The following CCDC57 variants were observed in gnomAD, a reference collection of about 807,000 sequenced individuals.
CCDC57 encodes the protein coiled-coil domain-containing protein 57.
CCDC57 carries 118 observed loss-of-function variants against 118.9 expected under a neutral mutation model. That is an observed-to-expected ratio of 0.99 (90% CI 0.86 to 1.16). The LOEUF (loss-of-function observed/expected upper bound fraction) is 1.16. Ranked by LOEUF, CCDC57 falls within the 50% of genes most tolerant of loss-of-function variation. CCDC57 has a pLI of 0.00. For missense variants in CCDC57, 1,300 were observed against 1,320.7 expected (o/e 0.98, Z 0.24); for synonymous variants, 527 against 532.9 (o/e 0.99, Z 0.15).
intron 11 of CCDC57, among the ~76,000 whole-genome samples, chr17:82,174,093 C>G (rs749837190): frequency 3.9e-5 from 6 of 152,230 alleles, no homozygotes; most frequent in Admixed American, 3.9e-4. Flanking sequence ...AAGATGTGTG[C>G]AAAAGGCACA....
chr17:82,146,800 C>T (rs1020563567), intron 16 of CCDC57, among the ~76,000 whole-genome samples: 1 of 152,128 alleles, frequency 6.6e-6, no homozygotes, highest in African/African-American at 2.4e-5. Context: ...CACAGTCTCA[C>T]ACACAAACGT....
chr17:82,204,157 C>T (rs895728883), intron 2 of CCDC57, among the ~76,000 whole-genome samples: 5 of 152,142 alleles, frequency 3.3e-5, no homozygotes, highest in Non-Finnish European at 5.9e-5. Flanking sequence ...CCACATGCTT[C>T]CTGCGATGCA....
chr17:82,186,819 G>A (rs1311052008), intron 8 of CCDC57, among the ~76,000 whole-genome samples: 2 of 152,114 alleles, frequency 1.3e-5, no homozygotes, highest in Non-Finnish European at 2.9e-5. Flanking sequence ...GTGCACACCT[G>A]TGGTTCCAGC....
intron 9 of CCDC57, among the ~76,000 whole-genome samples, chr17:82,183,392 C>A (rs917873872): frequency 1.3e-5 from 2 of 152,010 alleles, no homozygotes; most frequent in African/African-American, 4.8e-5. Context: ...ACTATGTTAA[C>A]CAGGCTGGTC....
chr17:82,114,261 G>A (rs56806171), intron 19 of CCDC57, among the ~76,000 whole-genome samples: 2,863 of 152,210 alleles, frequency 0.019, 96 homozygotes, highest in African/African-American at 0.065. Flanking sequence ...CGAAATGAAC[G>A]AAAGCCCTGG....
intron 16 of CCDC57, among the ~76,000 whole-genome samples, chr17:82,146,981 C>T (rs1024744529): frequency 6.6e-6 from 1 of 152,274 alleles, no homozygotes; most frequent in Non-Finnish European, 1.5e-5. Context: ...AGCCACCACA[C>T]ACAGCCGAGG....
At chr17:82,184,023 GCGCGCGCGCACACACA>G (rs1193065180) in intron 8 of CCDC57, 91 bp from the exon 8 acceptor site, 84 of 383,982 alleles carry the variant, frequency 2.2e-4, no homozygotes, top group African/African-American at 1.7e-3. Flanking sequence ...ACATGCGCGC[GCGCGCGCGCACACACA>G]CACACACACA....
intron 19 of CCDC57, among the ~76,000 whole-genome samples, chr17:82,115,317 C>T (rs969823637): frequency 4.0e-5 from 6 of 151,326 alleles, no homozygotes; most frequent in South Asian, 2.1e-4. Context: ...CAAGAGGGGG[C>T]GGCTTTTGTC....
At chr17:82,191,812 G>A (rs544415837) in intron 7 of CCDC57, among the ~76,000 whole-genome samples, 7 of 152,082 alleles carry the variant, frequency 4.6e-5, no homozygotes, top group Admixed American at 1.3e-4. Context: ...GACTACAGGC[G>A]TGAGCTGTCA....
At chr17:82,180,484 G>T (rs539006942) in intron 9 of CCDC57, among the ~76,000 whole-genome samples, 1 of 152,146 alleles carries the variant, frequency 6.6e-6, no homozygotes, top group South Asian at 2.1e-4. Flanking sequence ...TTATTTTTAG[G>T]TTTTTTTTGG....
At chr17:82,143,176 G>A (rs2040250970) in intron 16 of CCDC57, among the ~76,000 whole-genome samples, 1 of 151,496 alleles carries the variant, frequency 6.6e-6, no homozygotes, top group Admixed American at 6.6e-5. Flanking sequence ...CACAATGGCA[G>A]GCTATAGAGA....
exon 10 of CCDC57, chr17:82,179,109 T>C (rs1410925841): frequency 6.2e-7 from 1 of 1,613,956 alleles, no homozygotes; most frequent in Admixed American, 1.7e-5. Context: ...ACAGCGGCGC[T>C]GCCAGTCCAG....
intron 7 of CCDC57, among the ~76,000 whole-genome samples, chr17:82,191,951 G>C (rs2047714379): frequency 1.3e-5 from 2 of 151,372 alleles, no homozygotes; most frequent in South Asian, 4.2e-4. Flanking sequence ...TATAGGTGTA[G>C]GCCACCATGC....
chr17:82,171,618 T>A, intron 13 of CCDC57, 83 bp downstream of exon 12: 1 of 1,456,306 alleles, frequency 6.9e-7, no homozygotes. Context: ...TTGAGCTGTA[T>A]ATTTGCTATG....
intron 19 of CCDC57, among the ~76,000 whole-genome samples, chr17:82,116,598 G>A (rs1028909967): frequency 6.6e-6 from 1 of 152,156 alleles, no homozygotes; most frequent in Non-Finnish European, 1.5e-5. Context: ...AGAACTCCAG[G>A]GTGCAGAACA....
chr17:82,210,673 C>T (rs1245176246), intron 1 of CCDC57, among the ~76,000 whole-genome samples: 1 of 143,766 alleles, frequency 7.0e-6, no homozygotes, highest in Non-Finnish European at 1.5e-5. Flanking sequence ...GAGAGAGAGA[C>T]TCAGTCTCAA....
At position 82,146,530 on chromosome 17, in the gene CCDC57, A is replaced by G. The variant is rs1027039261; in HGVS notation, c.2455+5030T>C. On this transcript the variant is annotated intron_variant, in intron 16 of 19. Transcript: ENST00000665763. ...AAGTAGCTGGAACTTCAGACACACAACACCATGCCCAGCTAAGAACTCAAT... is the reference window on the plus strand; with the variant it reads ...AAGTAGCTGGAACTTCAGACACACAGCACCATGCCCAGCTAAGAACTCAAT... Among the ~76,000 whole-genome samples the G allele has an allele frequency of 3.9e-5, 6 of 152,110 alleles. No individual in the cohort carries two copies. In the East Asian group the frequency reaches 7.7e-4, roughly 20 times the overall value.
rs150205238 is a variant in CCDC57, at chr17:82,182,468, C to G, written c.1211+1306G>C. 3.3e-3 allele frequency among the ~76,000 whole-genome samples: 504 copies of G among 151,840 alleles called. 3 individuals carry two copies. Among genetic ancestry groups the G allele is most frequent in the African/African-American group, 0.012 (484 of 41,414 alleles). ...TCCTGGGTTCAAGTGATTCTCCTGC[C>G]TCAGCCCCCCGAGTAGCTGGGATTA... On this transcript the variant is annotated intron_variant, in intron 9 of 19. Coordinates refer to ENST00000665763, the Ensembl canonical transcript of CCDC57.
At chr17:82,186,216 T>G (rs2046904007) in intron 8 of CCDC57, among the ~76,000 whole-genome samples, 1 of 152,220 alleles carries the variant, frequency 6.6e-6, no homozygotes, top group Non-Finnish European at 1.5e-5. Flanking sequence ...CTTTAGAATG[T>G]AGAAGTCTGT....
Sources: gnomAD v4.1 joint callset for allele counts (sites outside exome capture counted in the v4.1 genomes callset) on GRCh38, gnomAD v4.1.1 for gene constraint, MANE v1.5 for transcripts, NCBI Gene and HGNC (gene_info 2026-07-23, HGNC 2026-07-21) for gene names.